OPCML: variants seen among roughly 807,000 people sequenced by gnomAD.
OPCML encodes the protein opioid binding protein/cell adhesion molecule like.
Under a neutral mutation model 37.8 loss-of-function variants are expected in OPCML, and 13 were observed. The observed-to-expected ratio is 0.34, with a 90% CI of 0.22 to 0.55. The LOEUF is 0.55. OPCML is among the 20% of genes least tolerant of loss of function. The pLI, the probability that OPCML is intolerant of heterozygous loss-of-function variation, is 0.91. For missense variants in OPCML, 341 were observed against 435.6 expected, an observed-to-expected ratio of 0.78 and a Z score of 1.93; for synonymous variants, 176 against 168.8, an observed-to-expected ratio of 1.04 and a Z score of -0.33.
chr11:132,570,795 A>ATG (rs2096436146), intron 3 of OPCML, among the ~76,000 whole-genome samples: 2 of 121,846 alleles, frequency 1.6e-5, no homozygotes, highest in Non-Finnish European at 3.4e-5. Flanking sequence ...ATATATATAT[A>ATG]TATATATTTA....
chr11:132,825,686 A>G (rs550474251), intron 2 of OPCML, among the ~76,000 whole-genome samples: 1 of 152,166 alleles, frequency 6.6e-6, no homozygotes, highest in African/African-American at 2.4e-5. Flanking sequence ...ATTTACACCC[A>G]TGTGTGAATG....
At chr11:132,799,496 C>T (rs1257752072) in intron 2 of OPCML, among the ~76,000 whole-genome samples, 1 of 152,110 alleles carries the variant, frequency 6.6e-6, no homozygotes, top group Non-Finnish European at 1.5e-5. Context: ...ACACTATTTA[C>T]TAAGTTTGCC....
chr11:133,513,182 T>C (rs1167347628), intron 1 of OPCML, among the ~76,000 whole-genome samples: 1 of 147,852 alleles, frequency 6.8e-6, no homozygotes, highest in Non-Finnish European at 1.5e-5. Flanking sequence ...AAAAAAAAAA[T>C]GGTTTCTCAC....
At chr11:132,508,632 T>A (rs1350382415) in intron 4 of OPCML, among the ~76,000 whole-genome samples, 2 of 152,154 alleles carry the variant, frequency 1.3e-5, no homozygotes, top group African/African-American at 4.8e-5. Context: ...TCCCATGCTA[T>A]TCTCGTGATA....
intron 1 of OPCML, among the ~76,000 whole-genome samples, chr11:133,077,874 A>G (rs1410650665): frequency 6.6e-6 from 1 of 152,242 alleles, no homozygotes; most frequent in Non-Finnish European, 1.5e-5. Flanking sequence ...TGAAAGAATC[A>G]GAATGTGGAA....
At chr11:132,974,417 G>A (rs1163631377) in intron 1 of OPCML, among the ~76,000 whole-genome samples, 1 of 152,080 alleles carries the variant, frequency 6.6e-6, no homozygotes, top group East Asian at 1.9e-4. Flanking sequence ...ATCATCACTG[G>A]TCATCAGAGA....
chr11:132,436,387 C>A, intron 6 of OPCML, 150 bp from the exon 7 acceptor site: 1 of 1,533,188 alleles, frequency 6.5e-7, no homozygotes, highest in East Asian at 2.4e-5. Context: ...ATGCTCTTGC[C>A]CAATGGGATA....
intron 1 of OPCML, among the ~76,000 whole-genome samples, chr11:133,289,391 C>T (rs889779548): frequency 2.7e-5 from 4 of 150,658 alleles, no homozygotes; most frequent in Admixed American, 6.6e-5. Context: ...GTCAGGAGAT[C>T]GAGACCATCC....
intron 7 of OPCML, among the ~76,000 whole-genome samples, chr11:132,424,780 G>C (rs1217986315): frequency 6.6e-6 from 1 of 152,222 alleles, no homozygotes; most frequent in Non-Finnish European, 1.5e-5. Context: ...CTGGTACAAA[G>C]TAGTCATGTG....
intron 1 of OPCML, among the ~76,000 whole-genome samples, chr11:133,198,611 TGGAGAGGTGGAC>T (rs1472836735): frequency 1.2e-4 from 19 of 152,318 alleles, no homozygotes; most frequent in African/African-American, 4.6e-4. Context: ...TGAAGCACTG[TGGAGAGGTGGAC>T]TCACATCTAT....
chr11:132,622,240 G>T (rs1939462773), intron 3 of OPCML, among the ~76,000 whole-genome samples: 2 of 151,984 alleles, frequency 1.3e-5, no homozygotes, highest in African/African-American at 4.8e-5. Flanking sequence ...AGTGACAAGA[G>T]AAAAATCTCA....
intron 2 of OPCML, among the ~76,000 whole-genome samples, chr11:132,672,306 T>A (rs1942511041): frequency 6.6e-6 from 1 of 152,200 alleles, no homozygotes. Context: ...TAATGAATAA[T>A]AAAGAAATAC....
intron 2 of OPCML, among the ~76,000 whole-genome samples, chr11:132,821,126 A>G (rs1401974672): frequency 6.6e-6 from 1 of 152,198 alleles, no homozygotes; most frequent in African/African-American, 2.4e-5. Flanking sequence ...ATGCAAATGT[A>G]TGTGTCATAA....
intron 1 of OPCML, among the ~76,000 whole-genome samples, chr11:133,332,384 G>T (rs1943638937): frequency 6.6e-6 from 1 of 152,146 alleles, no homozygotes; most frequent in African/African-American, 2.4e-5. Flanking sequence ...GAGATAGTTT[G>T]AGTTTCTCTC....
intron 7 of OPCML, among the ~76,000 whole-genome samples, chr11:132,428,481 G>A (rs989132645): frequency 1.3e-5 from 2 of 152,198 alleles, no homozygotes; most frequent in Non-Finnish European, 2.9e-5. Flanking sequence ...GAGCCCAAAA[G>A]ATGAGGGATT....
chr11:133,088,906 A>C (rs533352044), intron 1 of OPCML, among the ~76,000 whole-genome samples: 24 of 152,204 alleles, frequency 1.6e-4, no homozygotes, highest in Non-Finnish European at 3.4e-4. Context: ...ATCCCAGAAA[A>C]ATTCCAAAGC....
intron 1 of OPCML, among the ~76,000 whole-genome samples, chr11:133,522,791 A>C (rs1306236952): frequency 6.6e-6 from 1 of 152,210 alleles, no homozygotes; most frequent in East Asian, 1.9e-4. Flanking sequence ...TGCTTCATCT[A>C]TAAAATGAAA....
chr11:132,907,263 CTTT>C (rs889328016), intron 2 of OPCML, among the ~76,000 whole-genome samples: 5 of 152,184 alleles, frequency 3.3e-5, no homozygotes, highest in Admixed American at 1.3e-4. Context: ...GTTCCCTGGT[CTTT>C]CCATGGGGGT....
intron 1 of OPCML, among the ~76,000 whole-genome samples, chr11:133,487,413 T>C (rs1792851095): frequency 6.6e-6 from 1 of 152,180 alleles, no homozygotes; most frequent in South Asian, 2.1e-4. Context: ...AATTTGTCCT[T>C]AGCTGACTCC....
Sources: allele counts gnomAD v4.1 joint callset (sites outside exome capture counted in the v4.1 genomes callset), GRCh38; gene constraint gnomAD v4.1.1; transcripts MANE v1.5; gene names NCBI Gene and HGNC (gene_info 2026-07-23, HGNC 2026-07-21).